LGI1: variants seen among roughly 807,000 people sequenced by gnomAD.
The protein encoded by LGI1 is leucine rich glioma inactivated 1.
In LGI1, 11 loss-of-function variants were observed where a neutral mutation model predicts 57.7. The observed-to-expected ratio is 0.19, with a 90% CI of 0.12 to 0.32. The LOEUF is 0.32. Ranked by LOEUF, LGI1 falls within the 10% of genes least tolerant of loss-of-function variation. The pLI, the probability that LGI1 is intolerant of heterozygous loss-of-function variation, is 1.00. For synonymous variants in LGI1, 222 were observed against 241.9 expected (o/e 0.92, Z 0.76); for missense variants, 422 against 661.9 (o/e 0.64, Z 3.98).
chr10:93,769,728 T>G (rs1218497444), intron 2 of LGI1: 2 of 152,228 alleles, frequency 1.3e-5, no homozygotes, highest in Non-Finnish European at 2.9e-5. Flanking sequence ...CTATTCTGAA[T>G]CCAATCAATT....
In LGI1 at chr10:93,770,193, G is replaced by A. The variant is rs1439582769; in HGVS notation, c.288-7186G>A. 4 of 152,272 alleles carry A rather than the reference G, an allele frequency of 2.6e-5. No individual in the cohort carries two copies. In the East Asian group the frequency reaches 7.7e-4, roughly 29 times the overall value. The allele number at this position is 152,272 out of a possible 1,614,324, so 9.4% of individuals were successfully genotyped here. Reference sequence around the variant, plus strand: ...TAGAGCTACAAAAGACCTCACAAATGATCTAGTCTAGTCTCCTCGCTTTAC... The same window carrying A: ...TAGAGCTACAAAAGACCTCACAAATAATCTAGTCTAGTCTCCTCGCTTTAC... On this transcript the variant is annotated intron_variant, in intron 2 of 7. Coordinates refer to ENST00000371418, the MANE Select transcript of LGI1 (RefSeq NM_005097.4).
intron 4 of LGI1, among the ~76,000 whole-genome samples, chr10:93,783,325 G>A (rs1029229677): frequency 3.9e-5 from 6 of 152,286 alleles, no homozygotes; most frequent in Non-Finnish European, 5.9e-5. Flanking sequence ...GCAGTGAGCC[G>A]AGATCGCGCC....
chr10:93,782,922 A>G (rs922140098), intron 4 of LGI1: 3 of 152,224 alleles, frequency 2.0e-5, no homozygotes, highest in Non-Finnish European at 4.4e-5. Flanking sequence ...CACAGTCACA[A>G]TCGGAGGTTT....
intron 5 of LGI1, chr10:93,791,886 G>A (rs1178421969): frequency 1.3e-5 from 2 of 152,150 alleles, no homozygotes; most frequent in Non-Finnish European, 2.9e-5. Context: ...AGAGGATCAG[G>A]ATTAATTATG....
chr10:93,792,744 G>A lies in LGI1; in HGVS notation c.505G>A (p.Asp169Asn), dbSNP rs1207210364. Residue 169 changes from aspartate (D) to asparagine (N), a missense_variant and splice_region_variant, in exon 6 of 8, where the codon GAC becomes AAC. By Grantham distance (23) the Asp-to-Asn change is conservative. This residue lies in a region of LGI1 where 63 missense variants were observed against 138.4 expected (regional missense o/e 0.46). Transcript: ENST00000371418. ...FKGLDSLTNV[D>N]LRGNSFNCDC... ...AAGCAGCTGAAGTTTGTCTTTCAGG[G>A]ACCTGAGGGGTAATTCATTTAATTG... 1.9e-6 allele frequency: 3 copies of A among 1,613,926 alleles called. No individual in the cohort carries two copies. Among genetic ancestry groups the A allele is most frequent in the Non-Finnish European group, 2.5e-6 (3 of 1,179,952 alleles).
intron 2 of LGI1, among the ~76,000 whole-genome samples, chr10:93,761,516 CT>C (rs2059623338): frequency 6.6e-6 from 1 of 152,124 alleles, no homozygotes; most frequent in South Asian, 2.1e-4. Flanking sequence ...CCCCCAGATG[CT>C]TTTTCAGAGC....
At chr10:93,778,460 G>A (rs1048541376) in intron 4 of LGI1, among the ~76,000 whole-genome samples, 1 of 151,972 alleles carries the variant, frequency 6.6e-6, no homozygotes, top group Non-Finnish European at 1.5e-5. Context: ...GAAACTAGAA[G>A]AGCATGGAAA....
intron 2 of LGI1, chr10:93,769,297 T>TTACATA (rs1396893593): frequency 2.0e-5 from 3 of 152,216 alleles, no homozygotes; most frequent in Admixed American, 6.5e-5. Flanking sequence ...GCTCTTTCAT[T>TTACATA]TACATATACA....
intron 2 of LGI1, chr10:93,764,063 C>T (rs11187646): frequency 0.29 from 44,302 of 152,020 alleles, 6,733 homozygotes; most frequent in South Asian, 0.43. Context: ...ACAAAAGCCT[C>T]CCATTTTAGC....
intron 2 of LGI1, among the ~76,000 whole-genome samples, chr10:93,759,593 A>C (rs1432490735): frequency 1.3e-5 from 2 of 152,188 alleles, no homozygotes; most frequent in Non-Finnish European, 2.9e-5. Flanking sequence ...GCGGTATCAC[A>C]TGGGGGTCAA....
intron 7 of LGI1, among the ~76,000 whole-genome samples, chr10:93,794,999 T>C (rs1404306709): frequency 2.6e-5 from 4 of 152,130 alleles, no homozygotes; most frequent in African/African-American, 9.7e-5. Flanking sequence ...TTTAGAATCC[T>C]CCTCTCTGAA....
chr10:93,794,948 G>T (rs2059967552), intron 7 of LGI1: 1 of 151,806 alleles, frequency 6.6e-6, no homozygotes, highest in Non-Finnish European at 1.5e-5. Context: ...TAAATAAAGG[G>T]ATCCCTTCCA....
At chr10:93,786,966 A>G (rs1233051853) in intron 4 of LGI1, among the ~76,000 whole-genome samples, 1 of 152,144 alleles carries the variant, frequency 6.6e-6, no homozygotes, top group Non-Finnish European at 1.5e-5. Context: ...TCTCTGCCCA[A>G]ATCCCTCTGC....
intron 2 of LGI1, chr10:93,771,910 G>T (rs1019744967): frequency 2.0e-5 from 3 of 151,582 alleles, no homozygotes; most frequent in Admixed American, 2.0e-4. Context: ...GGGAGGCGGA[G>T]GTGGTGGTGA....
At chr10:93,795,600 GC>G (rs2059973768) in intron 7 of LGI1, among the ~76,000 whole-genome samples, 1 of 152,104 alleles carries the variant, frequency 6.6e-6, no homozygotes. Context: ...ACAAATATAT[GC>G]CCCATACTCA....
At chr10:93,773,157 C>A (rs1415734726) in intron 2 of LGI1, among the ~76,000 whole-genome samples, 1 of 151,280 alleles carries the variant, frequency 6.6e-6, no homozygotes, top group Non-Finnish European at 1.5e-5. Flanking sequence ...ACTTGAAAAA[C>A]ACAGATTGAT....
chr10:93,783,220 C>CA (rs1589766589), intron 4 of LGI1, among the ~76,000 whole-genome samples: 1 of 151,884 alleles, frequency 6.6e-6, no homozygotes, highest in African/African-American at 2.4e-5. Context: ...ACTAAAAATA[C>CA]AAAAAATTAG....
intron 3 of LGI1, 43 bp from the exon 4 acceptor site, chr10:93,777,503 G>A: frequency 1.2e-6 from 2 of 1,609,028 alleles, no homozygotes; most frequent in South Asian, 2.2e-5. Context: ...GTACTCTCAA[G>A]TTCCTGTAAC....
At chr10:93,784,640 C>G in intron 4 of LGI1, among the ~76,000 whole-genome samples, 1 of 152,134 alleles carries the variant, frequency 6.6e-6, no homozygotes, top group East Asian at 1.9e-4. Context: ...ACTCTGGTGG[C>G]TACCTGGGAC....
Sources: gnomAD v4.1 joint callset for allele counts (sites outside exome capture counted in the v4.1 genomes callset) on GRCh38, gnomAD v4.1.1 for gene constraint, gnomAD v4.1.1 regional missense constraint, MANE v1.5 for transcripts, NCBI Gene and HGNC (gene_info 2026-07-23, HGNC 2026-07-21) for gene names.